The following TRIO variants were observed in gnomAD, a reference collection of about 807,000 sequenced individuals.
TRIO encodes triple functional domain protein.
A neutral mutation model predicts 351.9 loss-of-function variants in TRIO; 58 were observed. That is an observed-to-expected ratio of 0.16 (90% CI 0.13 to 0.21). The LOEUF is 0.21. Ranked by LOEUF, TRIO falls within the 10% of genes least tolerant of loss-of-function variation. TRIO has a pLI of 1.00. For synonymous variants in TRIO, 1,758 were observed against 1,595.7 expected (o/e 1.10, Z -2.42); for missense variants, 3,201 against 4,027.8 (o/e 0.79, Z 5.56).
intron 1 of TRIO, among the ~76,000 whole-genome samples, chr5:14,186,206 G>A (rs901743219): frequency 9.2e-5 from 14 of 152,272 alleles, no homozygotes; most frequent in African/African-American, 2.6e-4. Context: ...TTTCTCCCTT[G>A]TTTTTCTAGC....
rs554740507 is a variant in TRIO, at chr5:14,342,799, T to C, written c.2046+6072T>C. Among the ~76,000 whole-genome samples the C allele has an allele frequency of 4.6e-5, 7 of 152,348 alleles. No individual in the cohort carries two copies. The South Asian group carries it at 1.4e-3, about 32-fold the overall frequency. ...ACCCCACATATACACACATGCTTCTTAACTTAGGGGATTACATGCCAATAA... is the reference window on the plus strand; with the variant it reads ...ACCCCACATATACACACATGCTTCTCAACTTAGGGGATTACATGCCAATAA... On this transcript the variant is annotated intron_variant, in intron 11 of 56. Coordinates refer to ENST00000344204, the MANE Select transcript of TRIO (RefSeq NM_007118.4).
At chr5:14,432,687 T>C (rs916080396) in intron 34 of TRIO, among the ~76,000 whole-genome samples, 2 of 152,224 alleles carry the variant, frequency 1.3e-5, no homozygotes, top group African/African-American at 4.8e-5. Context: ...ACAATGAGCA[T>C]GTTATGTATG....
chr5:14,293,749 C>T (rs1737107096), intron 6 of TRIO, among the ~76,000 whole-genome samples: 1 of 152,154 alleles, frequency 6.6e-6, no homozygotes, highest in Admixed American at 6.5e-5. Flanking sequence ...AAACCAAAAC[C>T]AAACCAAAAC....
rs919908921 is a variant in TRIO, at chr5:14,508,997, G to A, written c.*575G>A. On this transcript the variant is annotated 3_prime_UTR_variant, in exon 57 of 57. Transcript: ENST00000344204. ...ATGAATCGTTTTGCTCTGATGAAAT[G>A]TAGGCCTTACTTGTATATAAGACTG... The A allele has an allele frequency of 4.2e-5, 7 of 168,350 alleles. No homozygotes were observed. The highest frequency in any genetic ancestry group is 9.0e-5 in the Non-Finnish European group (7 of 78,206). The allele number at this position is 168,350 out of a possible 1,614,324, so 10.4% of individuals were successfully genotyped here.
At chr5:14,443,694 T>C (rs752945227) in intron 34 of TRIO, among the ~76,000 whole-genome samples, 1 of 152,232 alleles carries the variant, frequency 6.6e-6, no homozygotes, top group Non-Finnish European at 1.5e-5. Context: ...CAGTCTTGCT[T>C]GGAGTAATCT....
chr5:14,434,229 C>T (rs1751406904), intron 34 of TRIO, among the ~76,000 whole-genome samples: 1 of 152,122 alleles, frequency 6.6e-6, no homozygotes, highest in Non-Finnish European at 1.5e-5. Context: ...TTAATTTTCA[C>T]GAAAATAAGA....
At chr5:14,201,973 TGGGGGGA>T (rs1349106358) in intron 1 of TRIO, among the ~76,000 whole-genome samples, 1 of 45,092 alleles carries the variant, frequency 2.2e-5, no homozygotes, top group Non-Finnish European at 3.9e-5. Flanking sequence ...TGTTGTGGGG[TGGGGGGA>T]GGGGGGAGGG....
At chr5:14,335,834 G>C (rs949679707) in intron 10 of TRIO, among the ~76,000 whole-genome samples, 2 of 151,934 alleles carry the variant, frequency 1.3e-5, no homozygotes, top group Non-Finnish European at 2.9e-5. Flanking sequence ...GCATGGTAGC[G>C]CATGTCTGTG....
intron 55 of TRIO, among the ~76,000 whole-genome samples, chr5:14,505,219 G>T (rs1012581656): frequency 6.6e-6 from 1 of 152,232 alleles, no homozygotes; most frequent in South Asian, 2.1e-4. Context: ...CTCATCTAGG[G>T]GTGGGTTCTC....
intron 1 of TRIO, among the ~76,000 whole-genome samples, chr5:14,229,480 C>A (rs1370282545): frequency 6.6e-6 from 1 of 152,230 alleles, no homozygotes; most frequent in Non-Finnish European, 1.5e-5. Context: ...GTCAGTGAAA[C>A]TGTTAAACAT....
chr5:14,507,815 C>T, intron 56 of TRIO, 65 bp from the exon 57 acceptor site: 1 of 1,550,330 alleles, frequency 6.5e-7, no homozygotes, highest in African/African-American at 1.4e-5. Flanking sequence ...TAGAGTCCCG[C>T]CCATCATCAC....
At chr5:14,354,680 G>C (rs1743455615) in intron 11 of TRIO, among the ~76,000 whole-genome samples, 1 of 152,198 alleles carries the variant, frequency 6.6e-6, no homozygotes, top group African/African-American at 2.4e-5. Flanking sequence ...TCTGCTCCAA[G>C]TTTGAACATA....
chr5:14,340,064 C>G (rs544011608), intron 11 of TRIO, among the ~76,000 whole-genome samples: 2 of 152,158 alleles, frequency 1.3e-5, no homozygotes, highest in Non-Finnish European at 2.9e-5. Flanking sequence ...TTAAGCAGAT[C>G]ATACAATTAA....
At chr5:14,157,070 G>T (rs1417244026) in intron 1 of TRIO, among the ~76,000 whole-genome samples, 36 of 152,228 alleles carry the variant, frequency 2.4e-4, no homozygotes. Context: ...GAGAATGGGT[G>T]TGTAGAGGAG....
rs139877471 is a variant in TRIO, at chr5:14,274,843, C to T, written c.232+3944C>T. Among the ~76,000 whole-genome samples, 1,458 of 152,270 alleles carry T rather than the reference C, an allele frequency of 9.6e-3. 27 individuals are homozygous for T. The highest frequency in any genetic ancestry group is 0.033 in the African/African-American group (1,387 of 41,546). On this transcript the variant is annotated intron_variant, in intron 2 of 56. Coordinates refer to ENST00000344204, the MANE Select transcript of TRIO (RefSeq NM_007118.4). Reference sequence around the variant, plus strand: ...TCCCATCTTTGGCCAATGGGAGCCTCTTCAAATTGGCTCCTAAGTTTTGTT... The same window carrying T: ...TCCCATCTTTGGCCAATGGGAGCCTTTTCAAATTGGCTCCTAAGTTTTGTT...
At chr5:14,439,657 T>C (rs1751867385) in intron 34 of TRIO, among the ~76,000 whole-genome samples, 1 of 152,202 alleles carries the variant, frequency 6.6e-6, no homozygotes. Flanking sequence ...TTGTCTTCTC[T>C]TACATAAAAT....
At chr5:14,180,190 A>G (rs1221745122) in intron 1 of TRIO, among the ~76,000 whole-genome samples, 1 of 151,462 alleles carries the variant, frequency 6.6e-6, no homozygotes, top group East Asian at 1.9e-4. Context: ...TTCTGGCACA[A>G]CCTCTTAAAG....
At chr5:14,436,088 C>T (rs552272309) in intron 34 of TRIO, among the ~76,000 whole-genome samples, 12 of 152,142 alleles carry the variant, frequency 7.9e-5, no homozygotes, top group South Asian at 4.1e-4. Context: ...CCCCCATCTC[C>T]GTCTCTTCTT....
chr5:14,241,468 G>T (rs1177023133), intron 1 of TRIO, among the ~76,000 whole-genome samples: 2 of 152,122 alleles, frequency 1.3e-5, no homozygotes, highest in Admixed American at 6.5e-5. Context: ...CTATGGGAGT[G>T]GTCTGAGAAG....
Sources: allele counts gnomAD v4.1 joint callset (sites outside exome capture counted in the v4.1 genomes callset), GRCh38; gene constraint gnomAD v4.1.1; transcripts MANE v1.5; gene names NCBI Gene and HGNC (gene_info 2026-07-23, HGNC 2026-07-21).